Variants in FMN1 observed in about 807,000 individuals in gnomAD.
The protein encoded by FMN1 is formin 1, also known as formin-1.
Under a neutral mutation model 132.4 loss-of-function variants are expected in FMN1, and 110 were observed. The observed-to-expected ratio is 0.83, with a 90% CI of 0.71 to 0.97. The LOEUF (loss-of-function observed/expected upper bound fraction) is 0.97. Among genes scored for constraint, FMN1 ranks in the 50% least tolerant of loss-of-function variants. The probability of loss-of-function intolerance (pLI) is 0.00; values close to 1 mark genes in which losing one functional copy is unlikely to be tolerated. For synonymous variants in FMN1, 722 were observed against 651.7 expected (o/e 1.11, Z -1.64); for missense variants, 1,792 against 1,705.3 (o/e 1.05, Z -0.90).
intron 6 of FMN1, chr15:33,063,932 A>G (rs749606554): frequency 6.6e-6 from 1 of 152,214 alleles, no homozygotes; most frequent in Non-Finnish European, 1.5e-5. Flanking sequence ...TTCATTAAGG[A>G]TATGAGTTTT....
At chr15:33,050,583 T>C in intron 6 of FMN1, among the ~76,000 whole-genome samples, 1 of 152,198 alleles carries the variant, frequency 6.6e-6, no homozygotes, top group Non-Finnish European at 1.5e-5. Flanking sequence ...TTTTAACCCA[T>C]TACATAGGCA....
chr15:33,026,410 T>TCACACACACACACACA (rs71113496), intron 6 of FMN1, among the ~76,000 whole-genome samples: 10,917 of 139,978 alleles, frequency 0.078, 539 homozygotes, highest in Admixed American at 0.094. Context: ...GTCCAAATTT[T>TCACACACACACACACA]CACACACACA....
intron 3 of FMN1, among the ~76,000 whole-genome samples, chr15:33,176,303 C>T (rs1053089550): frequency 2.6e-5 from 4 of 152,094 alleles, no homozygotes; most frequent in African/African-American, 9.6e-5. Flanking sequence ...GTCAGGAGTT[C>T]GAGACCAGCC....
intron 16 of FMN1, among the ~76,000 whole-genome samples, chr15:32,870,359 C>T (rs911733922): frequency 4.6e-5 from 7 of 152,334 alleles, no homozygotes; most frequent in Non-Finnish European, 8.8e-5. Context: ...CACCAGGAAG[C>T]TGGAGTCCAG....
chr15:32,899,512 G>A lies in FMN1; in HGVS notation c.3654+467C>T, dbSNP rs536265711. Among the ~76,000 whole-genome samples the A allele has an allele frequency of 4.0e-4, 61 of 152,304 alleles. No homozygotes were observed. The South Asian group carries it at 4.4e-3, about 11-fold the overall frequency. On this transcript the variant is annotated intron_variant, in intron 14 of 20. Coordinates refer to ENST00000616417, the MANE Select transcript of FMN1 (RefSeq NM_001277313.2). The stretch of plus-strand genomic sequence containing the variant: ...AAAGAGGTAGCGCCACAGGGGTGTG[G>A]AGCCAAGTGATAATCAGGCTCAGAG...
At chr15:33,088,996 C>T (rs1301780942) in intron 4 of FMN1, 22 bp from the exon 5 acceptor site, 2 of 1,516,854 alleles carry the variant, frequency 1.3e-6, no homozygotes. Context: ...CAGAGAAGGC[C>T]ATCAGTGACA....
At chr15:33,071,753 A>G (rs1243315716) in intron 5 of FMN1, among the ~76,000 whole-genome samples, 1 of 152,256 alleles carries the variant, frequency 6.6e-6, no homozygotes, top group Non-Finnish European at 1.5e-5. Flanking sequence ...ACCATAAAAA[A>G]TGTTACCACT....
chr15:33,049,638 C>A (rs1183161307), intron 6 of FMN1, among the ~76,000 whole-genome samples: 1 of 152,196 alleles, frequency 6.6e-6, no homozygotes, highest in African/African-American at 2.4e-5. Context: ...GTTCAGCCTA[C>A]AGGTTTTTCT....
intron 9 of FMN1, among the ~76,000 whole-genome samples, chr15:32,926,870 G>C (rs1011486566): frequency 1.3e-5 from 2 of 152,110 alleles, no homozygotes; most frequent in African/African-American, 4.8e-5. Flanking sequence ...TCTCAGCCTT[G>C]ACCTCCTGGG....
intron 16 of FMN1, among the ~76,000 whole-genome samples, chr15:32,871,159 A>G (rs554600070): frequency 9.2e-5 from 14 of 152,266 alleles, no homozygotes; most frequent in Admixed American, 2.6e-4. Flanking sequence ...CTAACTTCTA[A>G]AAAGTATTAG....
chr15:33,086,075 C>T (rs1049107745), intron 5 of FMN1, among the ~76,000 whole-genome samples: 5 of 151,902 alleles, frequency 3.3e-5, no homozygotes, highest in Admixed American at 1.3e-4. Context: ...CACAGTGAAA[C>T]CCCGTTTCTA....
chr15:32,833,251 A>C (rs1023162366), intron 17 of FMN1, among the ~76,000 whole-genome samples: 2 of 152,170 alleles, frequency 1.3e-5, no homozygotes, highest in Non-Finnish European at 2.9e-5. Flanking sequence ...GAAAATACGT[A>C]ATGGGAGGTG....
intron 7 of FMN1, among the ~76,000 whole-genome samples, chr15:33,007,335 C>T (rs2140941358): frequency 6.6e-6 from 1 of 152,218 alleles, no homozygotes; most frequent in East Asian, 1.9e-4. Context: ...GTTACTGCAG[C>T]CATCAGTAAA....
chr15:33,165,765 G>A (rs1233942528), intron 3 of FMN1, among the ~76,000 whole-genome samples: 1 of 152,122 alleles, frequency 6.6e-6, no homozygotes, highest in African/African-American at 2.4e-5. Context: ...GATGCAGGCA[G>A]GGTGCTTTGA....
chr15:33,129,413 T>C (rs1313676358), intron 4 of FMN1, among the ~76,000 whole-genome samples: 1 of 152,220 alleles, frequency 6.6e-6, no homozygotes, highest in African/African-American at 2.4e-5. Context: ...ACCAAAACAC[T>C]GTTGAAATCT....
intron 7 of FMN1, 148 bp from the exon 8 acceptor site, chr15:32,969,625 T>A: frequency 9.9e-7 from 1 of 1,007,336 alleles, no homozygotes; most frequent in Non-Finnish European, 1.4e-6. Context: ...TAAGAATCCA[T>A]AAAGGTGTAA....
chr15:33,110,774 T>G (rs2039671386), intron 4 of FMN1, among the ~76,000 whole-genome samples: 1 of 150,548 alleles, frequency 6.6e-6, no homozygotes, highest in Non-Finnish European at 1.5e-5. Flanking sequence ...TTGCTATTCC[T>G]TTAGCCATTT....
chr15:32,831,294 T>C (rs1465365774), intron 17 of FMN1, among the ~76,000 whole-genome samples: 5 of 151,968 alleles, frequency 3.3e-5, no homozygotes, highest in Admixed American at 1.3e-4. Flanking sequence ...TCTCGGCTAC[T>C]GCAACCTCCA....
chr15:32,853,047 C>A (rs1209650974), intron 17 of FMN1, among the ~76,000 whole-genome samples: 1 of 152,168 alleles, frequency 6.6e-6, no homozygotes, highest in South Asian at 2.1e-4. Flanking sequence ...AATTTCTAAT[C>A]CTCAATTTCC....
Sources: gnomAD v4.1 joint callset for allele counts (sites outside exome capture counted in the v4.1 genomes callset) on GRCh38, gnomAD v4.1.1 for gene constraint, MANE v1.5 for transcripts, NCBI Gene and HGNC (gene_info 2026-07-23, HGNC 2026-07-21) for gene names.